Variants in CHODL observed in about 807,000 individuals in gnomAD.
CHODL encodes chondrolectin.
CHODL carries 29 observed loss-of-function variants against 34.5 expected under a neutral mutation model. That is an observed-to-expected ratio of 0.84 (90% CI 0.63 to 1.15). The LOEUF is 1.15. Ranked by LOEUF, CHODL falls within the 50% of genes most tolerant of loss-of-function variation. CHODL has a pLI of 0.00. For synonymous variants in CHODL, 125 were observed against 116.1 expected (o/e 1.08, Z -0.49); for missense variants, 332 against 332.5 (o/e 1.00, Z 0.01).
chr21:17,918,991 T>G (rs1422189513), intron 1 of CHODL, among the ~76,000 whole-genome samples: 1 of 152,218 alleles, frequency 6.6e-6, no homozygotes, highest in Non-Finnish European at 1.5e-5. Flanking sequence ...TTTAACTCCA[T>G]GCCTCACACC....
intron 1 of CHODL, among the ~76,000 whole-genome samples, chr21:17,978,715 T>C (rs1156841974): frequency 8.3e-6 from 1 of 120,272 alleles, no homozygotes; most frequent in South Asian, 2.5e-4. Flanking sequence ...AGACTCCATC[T>C]CAAAAAAGAA....
At chr21:18,210,082 A>C (rs550843458) in intron 2 of CHODL, among the ~76,000 whole-genome samples, 3 of 152,226 alleles carry the variant, frequency 2.0e-5, no homozygotes, top group Admixed American at 6.5e-5. Flanking sequence ...AGTCCTTGTG[A>C]ACTATACTGC....
intron 2 of CHODL, among the ~76,000 whole-genome samples, chr21:18,033,975 AG>A (rs1160266906): frequency 6.6e-6 from 1 of 152,040 alleles, no homozygotes; most frequent in Non-Finnish European, 1.5e-5. Flanking sequence ...TTTGAGTATC[AG>A]CGTGATTTCA....
intron 2 of CHODL, among the ~76,000 whole-genome samples, chr21:18,029,019 C>G (rs1272872890): frequency 6.6e-6 from 1 of 152,136 alleles, no homozygotes; most frequent in African/African-American, 2.4e-5. Context: ...AGCTTAGCAT[C>G]TCATGTTACC....
chr21:18,195,017 TAATAC>T (rs753071058), intron 2 of CHODL, among the ~76,000 whole-genome samples: 48 of 149,304 alleles, frequency 3.2e-4, no homozygotes, highest in Admixed American at 4.7e-4. Flanking sequence ...ACATTGTTAT[TAATAC>T]AATACATTAT....
At chr21:18,047,515 G>C (rs923452371) in intron 2 of CHODL, among the ~76,000 whole-genome samples, 3 of 151,774 alleles carry the variant, frequency 2.0e-5, no homozygotes, top group Admixed American at 6.6e-5. Context: ...AATAAGTTTA[G>C]ATTGCCTGAA....
intron 1 of CHODL, among the ~76,000 whole-genome samples, chr21:17,923,356 C>T (rs376532587): frequency 1.3e-5 from 2 of 150,576 alleles, no homozygotes; most frequent in East Asian, 2.0e-4. Context: ...AGCATGGGCT[C>T]AATTTTACAG....
intron 2 of CHODL, among the ~76,000 whole-genome samples, chr21:18,186,385 G>T (rs966186146): frequency 6.6e-6 from 1 of 150,702 alleles, no homozygotes; most frequent in African/African-American, 2.5e-5. Context: ...TTGCTCCTTA[G>T]GGAAGAAAAG....
intron 1 of CHODL, among the ~76,000 whole-genome samples, chr21:17,990,069 T>C (rs2063784908): frequency 6.6e-6 from 1 of 152,086 alleles, no homozygotes; most frequent in Non-Finnish European, 1.5e-5. Context: ...CTTTGAAAAG[T>C]CCTTTGTCAC....
At chr21:18,039,049 G>T (rs1447848344) in intron 2 of CHODL, among the ~76,000 whole-genome samples, 1 of 151,508 alleles carries the variant, frequency 6.6e-6, no homozygotes, top group Admixed American at 6.6e-5. Context: ...TGAATTGATG[G>T]TCCAAACTGA....
chr21:18,166,979 T>C (rs2073161323), intron 2 of CHODL, among the ~76,000 whole-genome samples: 1 of 152,138 alleles, frequency 6.6e-6, no homozygotes, highest in African/African-American at 2.4e-5. Context: ...TTCTGTGGAA[T>C]TTTTTGTAGG....
At chr21:17,921,687 C>T (rs1190439632) in intron 1 of CHODL, among the ~76,000 whole-genome samples, 1 of 152,162 alleles carries the variant, frequency 6.6e-6, no homozygotes, top group African/African-American at 2.4e-5. Flanking sequence ...TTGTTTATTA[C>T]AGCAGTTAGT....
chr21:18,065,348 T>A (rs1193746024), intron 2 of CHODL, among the ~76,000 whole-genome samples: 1 of 152,170 alleles, frequency 6.6e-6, no homozygotes, highest in Non-Finnish European at 1.5e-5. Flanking sequence ...GACCATAACA[T>A]GCACCAAAAA....
chr21:17,941,459 T>C (rs1308144128), intron 1 of CHODL, among the ~76,000 whole-genome samples: 1 of 150,728 alleles, frequency 6.6e-6, no homozygotes, highest in Non-Finnish European at 1.5e-5. Context: ...TTTTTTTTTT[T>C]TTTTTCTGAA....
chr21:18,160,072 C>T (rs1339825777), intron 2 of CHODL, among the ~76,000 whole-genome samples: 1 of 152,196 alleles, frequency 6.6e-6, no homozygotes, highest in Admixed American at 6.5e-5. Context: ...GTTATAGTAG[C>T]AACAGTAAAC....
rs536967175 is a variant in CHODL, at chr21:18,155,294, C to T, written c.-44-101215C>T. Among the ~76,000 whole-genome samples, 33 of 152,288 alleles carry T rather than the reference C, an allele frequency of 2.2e-4. 1 individual carries two copies. The highest frequency in any genetic ancestry group is 5.9e-4 in the Admixed American group (9 of 15,302). ...AGCCTTACCCAATCCCAGTCCCCAA[C>T]GTTGCCAAGCCCTCAGTTCTCCCTT... On this transcript the variant is annotated intron_variant, in intron 2 of 6. Coordinates refer to the CHODL transcript ENST00000400127.
chr21:18,105,468 C>CAA (rs1400800724), intron 2 of CHODL, among the ~76,000 whole-genome samples: 1 of 152,130 alleles, frequency 6.6e-6, no homozygotes, highest in Admixed American at 6.5e-5. Flanking sequence ...TTAAGTCAGT[C>CAA]AAAGTTGGAT....
At chr21:18,081,409 G>A (rs376976410) in intron 2 of CHODL, among the ~76,000 whole-genome samples, 22 of 151,930 alleles carry the variant, frequency 1.4e-4, no homozygotes, top group African/African-American at 2.4e-4. Context: ...GGCTGGGTGC[G>A]GTGGCTCACA....
chr21:17,958,454 A>G (rs1288727615), intron 1 of CHODL, among the ~76,000 whole-genome samples: 3 of 152,166 alleles, frequency 2.0e-5, no homozygotes, highest in Admixed American at 6.5e-5. Flanking sequence ...ATATCCTGGT[A>G]TCATACTACT....
Sources: allele counts gnomAD v4.1 joint callset (sites outside exome capture counted in the v4.1 genomes callset), GRCh38; gene constraint gnomAD v4.1.1; transcripts MANE v1.5; gene names NCBI Gene and HGNC (gene_info 2026-07-23, HGNC 2026-07-21).